Variants in COL4A5 observed in about 807,000 individuals in gnomAD.
COL4A5 encodes collagen alpha-5(IV) chain.
In COL4A5, 26 loss-of-function variants were observed where a neutral mutation model predicts 130.2. The observed-to-expected ratio is 0.20, with a 90% CI of 0.15 to 0.28. The LOEUF is 0.28. Among genes scored for constraint, COL4A5 ranks in the 10% least tolerant of loss-of-function variants. COL4A5 has a pLI of 1.00. For synonymous variants in COL4A5, 496 were observed against 439.6 expected, an observed-to-expected ratio of 1.13 and a Z score of -1.60; for missense variants, 1,131 against 1,344.3, an observed-to-expected ratio of 0.84 and a Z score of 2.48.
At chrX:108,692,668 G>C (rs957663489) in intron 49 of COL4A5, 80 bp from the exon 50 acceptor site, 1 of 938,856 alleles carries the variant, frequency 1.1e-6, no homozygotes, top group African/African-American at 1.9e-5. Flanking sequence ...TCCTTGAAAG[G>C]CTGTTTGCTA....
chrX:108,440,200 G>A lies in COL4A5; in HGVS notation c.75G>A (p.Glu25=). 8.3e-7 allele frequency: 1 copy of A among 1,198,481 alleles called. No homozygotes were observed. The highest frequency in any genetic ancestry group is 1.1e-6 in the Non-Finnish European group (1 of 885,130). The part of the protein sequence containing the change: ...LALSLWGQPA[E]AAACYGCSPG... ...TGAGTCTTTGGGGGCAGCCTGCAGAGGCTGCGGTAAGTCCTTCCTCCCCTC... is the reference window on the plus strand; with the variant it reads ...TGAGTCTTTGGGGGCAGCCTGCAGAAGCTGCGGTAAGTCCTTCCTCCCCTC... The change falls in exon 1 of 53, where the codon GAG becomes GAA. Residue 25 remains glutamate (E), a synonymous_variant. Coordinates refer to ENST00000328300, the MANE Select transcript of COL4A5 (RefSeq NM_033380.3).
At chrX:108,511,387 C>T (rs1328785706) in intron 1 of COL4A5, among the ~76,000 whole-genome samples, 3 of 111,705 alleles carry the variant, frequency 2.7e-5, no homozygotes, top group African/African-American at 9.8e-5. Flanking sequence ...CTGTACTTCC[C>T]CAAATTGATC....
At chrX:108,519,615 T>C (rs2065248431) in intron 1 of COL4A5, among the ~76,000 whole-genome samples, 1 of 111,681 alleles carries the variant, frequency 9.0e-6, no homozygotes, top group Admixed American at 9.5e-5. Context: ...ATTTTGAATA[T>C]GTACATATTA....
chrX:108,506,793 T>G (rs914872406), intron 1 of COL4A5, among the ~76,000 whole-genome samples: 9 of 110,327 alleles, frequency 8.2e-5, no homozygotes, highest in Non-Finnish European at 1.5e-4. Flanking sequence ...GTGCCTAGGC[T>G]ACACTGCACT....
chrX:108,564,062 TAA>T lies in COL4A5; in HGVS notation c.276+137_276+138del, dbSNP rs749078252. On this transcript the variant is annotated intron_variant, in intron 4 of 52. Coordinates refer to ENST00000328300, the MANE Select transcript of COL4A5 (RefSeq NM_033380.3). ...AATACAGTCTTCAAAAAGTTAAATT[TAA>T]GAGTTGGTATATGTCTATAACTAGC... 13 of 494,451 alleles carry T rather than the reference TAA, an allele frequency of 2.6e-5. No individual in the cohort carries two copies. The East Asian group carries it at 4.9e-4, about 19-fold the overall frequency. 40.7% of individuals were successfully genotyped at this position (494,451 alleles called of 1,213,427 possible). A position where few individuals can be genotyped will look rare whatever the true frequency, so the allele number is the denominator to read the frequency against.
intron 44 of COL4A5, among the ~76,000 whole-genome samples, chrX:108,679,698 G>T (rs2068385008): frequency 9.1e-6 from 1 of 109,986 alleles, no homozygotes; most frequent in Admixed American, 9.7e-5. Flanking sequence ...ATATGATCTT[G>T]CTATTCTATA....
intron 19 of COL4A5, among the ~76,000 whole-genome samples, chrX:108,589,318 T>C (rs1440969143): frequency 2.7e-5 from 3 of 110,384 alleles, no homozygotes; most frequent in African/African-American, 6.6e-5. Flanking sequence ...TACACACCAA[T>C]TGAAGAAAGA....
At chrX:108,631,777 A>T (rs1328626247) in intron 36 of COL4A5, among the ~76,000 whole-genome samples, 1 of 111,673 alleles carries the variant, frequency 9.0e-6, no homozygotes, top group Non-Finnish European at 1.9e-5. Flanking sequence ...TTTTCTTTGA[A>T]ATCAATGAAA....
At chrX:108,545,320 G>A (rs150041681) in intron 2 of COL4A5, among the ~76,000 whole-genome samples, 32 of 111,165 alleles carry the variant, frequency 2.9e-4, no homozygotes, top group African/African-American at 1.0e-3. Context: ...CTTTGTTCTC[G>A]TTGGTTTCAA....
At chrX:108,654,621 AT>A (rs1226700883) in intron 36 of COL4A5, among the ~76,000 whole-genome samples, 1 of 111,525 alleles carries the variant, frequency 9.0e-6, no homozygotes, top group African/African-American at 3.3e-5. Context: ...GATCTTTTTT[AT>A]TTTTTGTAGA....
chrX:108,526,628 CT>C (rs1198124346), intron 1 of COL4A5, among the ~76,000 whole-genome samples: 54 of 54,170 alleles, frequency 1.0e-3, no homozygotes, highest in African/African-American at 5.8e-3. Context: ...TTCTTTCTTT[CT>C]TTCTTTCTTT....
At chrX:108,445,262 G>A (rs908574821) in intron 1 of COL4A5, among the ~76,000 whole-genome samples, 2 of 111,156 alleles carry the variant, frequency 1.8e-5, no homozygotes, top group African/African-American at 6.5e-5. Context: ...TCTAGCCTAG[G>A]TAAGCTTTCC....
chrX:108,557,017 C>T (rs2065832475), intron 2 of COL4A5, among the ~76,000 whole-genome samples: 1 of 111,506 alleles, frequency 9.0e-6, no homozygotes. Context: ...TTTAGCACCT[C>T]CACTTAAAAT....
intron 36 of COL4A5, among the ~76,000 whole-genome samples, chrX:108,641,898 C>T (rs1040699518): frequency 2.7e-5 from 3 of 111,605 alleles, no homozygotes; most frequent in African/African-American, 6.5e-5. Context: ...GGCCAGAACT[C>T]GGGGGAGGGC....
At chrX:108,500,047 T>C (rs1408536160) in intron 1 of COL4A5, among the ~76,000 whole-genome samples, 2 of 112,004 alleles carry the variant, frequency 1.8e-5, no homozygotes, top group Non-Finnish European at 3.8e-5. Flanking sequence ...CTTTTTACTT[T>C]CTTTCACAGT....
chrX:108,572,949 G>C (rs891195310), intron 8 of COL4A5, among the ~76,000 whole-genome samples: 3 of 110,856 alleles, frequency 2.7e-5, no homozygotes, highest in African/African-American at 9.8e-5. Flanking sequence ...TTAGTTATTG[G>C]GATGTGCCAA....
At chrX:108,555,085 A>G (rs942792546) in intron 2 of COL4A5, among the ~76,000 whole-genome samples, 1 of 112,321 alleles carries the variant, frequency 8.9e-6, no homozygotes, top group Non-Finnish European at 1.9e-5. Context: ...GATCAAGTTA[A>G]CCAGTTGACA....
chrX:108,592,901 A>G (rs987147024), intron 21 of COL4A5, among the ~76,000 whole-genome samples: 1 of 110,783 alleles, frequency 9.0e-6, no homozygotes, highest in African/African-American at 3.3e-5. Context: ...CCTCTGGCAT[A>G]TATTAATTTG....
chrX:108,660,765 G>C (rs1305687170), intron 37 of COL4A5, among the ~76,000 whole-genome samples: 1 of 111,152 alleles, frequency 9.0e-6, no homozygotes, highest in African/African-American at 3.3e-5. Context: ...CTGTAGGGTT[G>C]TTATTTTTTA....
Sources: allele counts gnomAD v4.1 joint callset (sites outside exome capture counted in the v4.1 genomes callset), GRCh38; gene constraint gnomAD v4.1.1; transcripts MANE v1.5; gene names NCBI Gene and HGNC (gene_info 2026-07-23, HGNC 2026-07-21).